Variants in CHN1 observed in about 807,000 individuals in gnomAD.
CHN1 encodes the protein N-chimaerin.
CHN1 carries 37 observed loss-of-function variants against 59.5 expected under a neutral mutation model. The ratio of observed to expected loss-of-function variants is 0.62; its 90% CI spans 0.48 to 0.82. The LOEUF (loss-of-function observed/expected upper bound fraction) is 0.82, where lower values mean the gene tolerates loss of function less well. CHN1 is among the 40% of genes least tolerant of loss of function. The pLI, the probability that CHN1 is intolerant of heterozygous loss-of-function variation, is 0.00. For synonymous variants in CHN1, 206 were observed against 200.4 expected (o/e 1.03, Z -0.24); for missense variants, 469 against 571.0 (o/e 0.82, Z 1.82).
intron 7 of CHN1, among the ~76,000 whole-genome samples, chr2:174,827,358 A>G (rs1183165775): frequency 1.3e-5 from 2 of 152,204 alleles, no homozygotes; most frequent in African/African-American, 2.4e-5. Flanking sequence ...TCTAATCAAA[A>G]TATTTGCAAA....
At chr2:174,849,241 C>T (rs978307870) in intron 6 of CHN1, among the ~76,000 whole-genome samples, 1 of 152,044 alleles carries the variant, frequency 6.6e-6, no homozygotes, top group African/African-American at 2.4e-5. Flanking sequence ...ATGATAGTTA[C>T]CCAGAAAATT....
At chr2:174,982,101 C>T (rs212377) in intron 1 of CHN1, among the ~76,000 whole-genome samples, 65,534 of 151,858 alleles carry the variant, frequency 0.43, 15,751 homozygotes, top group African/African-American at 0.65. Flanking sequence ...TCTAGCTTCA[C>T]CCATGTCCCT....
At chr2:175,003,991 CTTGATA>C (rs1489583567) in intron 1 of CHN1, among the ~76,000 whole-genome samples, 1 of 152,224 alleles carries the variant, frequency 6.6e-6, no homozygotes, top group African/African-American at 2.4e-5. Flanking sequence ...GAACTGGAAA[CTTGATA>C]TTGTGAATAA....
intron 3 of CHN1, among the ~76,000 whole-genome samples, chr2:174,938,225 A>C (rs1689554759): frequency 6.6e-6 from 1 of 152,126 alleles, no homozygotes; most frequent in Non-Finnish European, 1.5e-5. Flanking sequence ...CATGATTCTC[A>C]ATAATCTTTA....
chr2:174,838,170 T>A (rs1686158960), intron 7 of CHN1, among the ~76,000 whole-genome samples: 1 of 152,178 alleles, frequency 6.6e-6, no homozygotes, highest in Non-Finnish European at 1.5e-5. Flanking sequence ...CTTGGCTCAT[T>A]GCAACCTCCG....
At chr2:174,969,386 A>G (rs532522894) in intron 1 of CHN1, among the ~76,000 whole-genome samples, 3 of 152,322 alleles carry the variant, frequency 2.0e-5, no homozygotes, top group African/African-American at 7.2e-5. Flanking sequence ...GCATTTTCAC[A>G]AGACCAAGTC....
At chr2:174,980,263 A>G (rs1691099898) in intron 1 of CHN1, among the ~76,000 whole-genome samples, 1 of 152,186 alleles carries the variant, frequency 6.6e-6, no homozygotes, top group Non-Finnish European at 1.5e-5. Context: ...TCTAGAAACC[A>G]ATGTTTGGTT....
At chr2:174,833,791 A>G (rs1213469324) in intron 7 of CHN1, among the ~76,000 whole-genome samples, 1 of 113,594 alleles carries the variant, frequency 8.8e-6, no homozygotes, top group Admixed American at 1.3e-4. Flanking sequence ...TAGAACATAC[A>G]CATCTTTTTT....
chr2:174,892,689 T>C (rs1362177759), intron 5 of CHN1, among the ~76,000 whole-genome samples: 2 of 152,166 alleles, frequency 1.3e-5, no homozygotes, highest in Non-Finnish European at 2.9e-5. Flanking sequence ...ATATCCTTGA[T>C]GAATATTGAA....
At chr2:174,887,557 G>A (rs114564587) in intron 5 of CHN1, among the ~76,000 whole-genome samples, 4 of 152,162 alleles carry the variant, frequency 2.6e-5, no homozygotes, top group Non-Finnish European at 5.9e-5. Context: ...AAAGTAACTT[G>A]CCTAAAGTCA....
chr2:174,921,526 T>A (rs972655634), intron 3 of CHN1, among the ~76,000 whole-genome samples: 1 of 151,922 alleles, frequency 6.6e-6, no homozygotes, highest in Non-Finnish European at 1.5e-5. Context: ...TATAGGAGAG[T>A]CATGATTTTA....
chr2:174,839,010 CTG>C (rs1686194598), intron 7 of CHN1, among the ~76,000 whole-genome samples: 1 of 148,102 alleles, frequency 6.8e-6, no homozygotes, highest in Non-Finnish European at 1.5e-5. Flanking sequence ...GAGTGAGACT[CTG>C]TCTTAAAAAA....
At position 174,845,106 on chromosome 2, in the gene CHN1, C is replaced by T. The variant is rs75825472; in HGVS notation, c.627+1774G>A. 2.2e-3 allele frequency among the ~76,000 whole-genome samples: 342 copies of T among 152,250 alleles called. 2 individuals carry two copies. Among genetic ancestry groups the T allele is most frequent in the African/African-American group, 8.0e-3 (332 of 41,564 alleles). The stretch of plus-strand genomic sequence containing the variant: ...AAAATTGAGAAACAACTGGAAGATA[C>T]AAACACAAAAAGAGTTTGTTTATGC... On this transcript the variant is annotated intron_variant, in intron 7 of 12. Coordinates refer to ENST00000409900, the MANE Select transcript of CHN1 (RefSeq NM_001822.7).
chr2:174,842,543 T>C (rs1179346012), intron 7 of CHN1, among the ~76,000 whole-genome samples: 2 of 152,048 alleles, frequency 1.3e-5, no homozygotes, highest in Non-Finnish European at 2.9e-5. Flanking sequence ...TCACAGTTTA[T>C]ATTAAAATTA....
intron 6 of CHN1, chr2:174,847,599 G>C: frequency 7.6e-7 from 1 of 1,313,926 alleles, no homozygotes; most frequent in Non-Finnish European, 1.0e-6. Context: ...CCCTAGCAGG[G>C]AAGGTGGGGG....
intron 6 of CHN1, among the ~76,000 whole-genome samples, chr2:174,860,043 G>A (rs1687021680): frequency 6.6e-6 from 1 of 152,122 alleles, no homozygotes; most frequent in African/African-American, 2.4e-5. Context: ...TTTTTTGTCA[G>A]ATAATATATC....
At chr2:174,842,052 T>C (rs1033049461) in intron 7 of CHN1, among the ~76,000 whole-genome samples, 8 of 152,202 alleles carry the variant, frequency 5.3e-5, no homozygotes, top group African/African-American at 1.9e-4. Flanking sequence ...TTAAGACCAA[T>C]AGAAGACTCT....
In CHN1 at chr2:174,876,184, A is replaced by G. The variant is rs144527314; in HGVS notation, c.549+1656T>C. Among the ~76,000 whole-genome samples the G allele has an allele frequency of 3.1e-3, 474 of 152,346 alleles. 3 individuals are homozygous for G. Among genetic ancestry groups the G allele is most frequent in the Non-Finnish European group, 5.2e-3 (351 of 68,038 alleles). On this transcript the variant is annotated intron_variant, in intron 6 of 12. Transcript: ENST00000409900. ...ATCAGTTCCACTTTGACTGGGGGAC[A>G]ACCAAGGCCTGGTGAAGTCAAATGA...
intron 8 of CHN1, among the ~76,000 whole-genome samples, chr2:174,816,576 T>C (rs1401418819): frequency 6.6e-6 from 1 of 152,200 alleles, no homozygotes; most frequent in Non-Finnish European, 1.5e-5. Context: ...CGTGGGCTTC[T>C]CTGGTGCCCA....
Sources: gnomAD v4.1 joint callset for allele counts (sites outside exome capture counted in the v4.1 genomes callset) on GRCh38, gnomAD v4.1.1 for gene constraint, MANE v1.5 for transcripts, NCBI Gene and HGNC (gene_info 2026-07-23, HGNC 2026-07-21) for gene names.